Variants in GUCY1A2 observed in about 807,000 individuals in gnomAD.
GUCY1A2 encodes guanylate cyclase soluble subunit alpha-2.
In GUCY1A2, 27 loss-of-function variants were observed where a neutral mutation model predicts 63.5. The observed-to-expected ratio is 0.43, with a 90% CI of 0.31 to 0.59. The LOEUF is 0.59. GUCY1A2 is among the 20% of genes least tolerant of loss of function. The pLI, the probability that GUCY1A2 is intolerant of heterozygous loss-of-function variation, is 0.11. For synonymous variants in GUCY1A2, 364 were observed against 343.5 expected, an observed-to-expected ratio of 1.06 and a Z score of -0.66; for missense variants, 768 against 913.3, an observed-to-expected ratio of 0.84 and a Z score of 2.05.
At chr11:106,786,049 T>A (rs1373517115) in intron 5 of GUCY1A2, among the ~76,000 whole-genome samples, 1 of 152,188 alleles carries the variant, frequency 6.6e-6, no homozygotes, top group Non-Finnish European at 1.5e-5. Context: ...CCAGTCCAAA[T>A]GTGCACATGC....
intron 6 of GUCY1A2, among the ~76,000 whole-genome samples, chr11:106,735,796 T>C (rs748802926): frequency 3.9e-5 from 6 of 152,282 alleles, no homozygotes; most frequent in South Asian, 2.1e-4. Flanking sequence ...GCAGGATTCA[T>C]TGTCATCTGT....
intron 2 of GUCY1A2, among the ~76,000 whole-genome samples, chr11:106,979,915 G>A (rs2120122940): frequency 6.6e-6 from 1 of 151,876 alleles, no homozygotes; most frequent in Admixed American, 6.6e-5. Flanking sequence ...GGAAGAGAGT[G>A]CTATGGTACT....
rs557655163 is a variant in GUCY1A2 at position 106,706,872 on chromosome 11, A to G, written c.1991+1640T>C. On this transcript the variant is annotated intron_variant, in intron 7 of 7. Transcript: ENST00000526355. Reference sequence around the variant, plus strand: ...CTACTAGAGAATTTGACAAAATTCAATTTGCCATGGTAATTGTTGTCAGAT... The same window carrying G: ...CTACTAGAGAATTTGACAAAATTCAGTTTGCCATGGTAATTGTTGTCAGAT... 1.4e-4 allele frequency among the ~76,000 whole-genome samples: 22 copies of G among 152,298 alleles called. No individual in the cohort carries two copies. In the East Asian group the frequency reaches 3.3e-3, roughly 23 times the overall value.
intron 5 of GUCY1A2, among the ~76,000 whole-genome samples, chr11:106,803,726 A>G (rs1858642227): frequency 6.6e-6 from 1 of 152,238 alleles, no homozygotes; most frequent in South Asian, 2.1e-4. Flanking sequence ...CAGATGATAA[A>G]ATGAGGCAGA....
rs1591224403 is a variant in GUCY1A2, at chr11:106,676,256, G to A, written c.*11293C>T. Reference sequence around the variant, plus strand: ...ATGGAAGAATGCCCTTACTCTTAAAGAAGATATTTGACTTATTTTCCCTTA... The same window carrying A: ...ATGGAAGAATGCCCTTACTCTTAAAAAAGATATTTGACTTATTTTCCCTTA... On this transcript the variant is annotated 3_prime_UTR_variant, in exon 8 of 8. Coordinates refer to ENST00000526355, the MANE Select transcript of GUCY1A2 (RefSeq NM_000855.3). 3 of 182,648 alleles carry A rather than the reference G, an allele frequency of 1.6e-5. No individual in the cohort carries two copies. In the East Asian group the frequency reaches 2.7e-4, roughly 16 times the overall value. The allele number at this position is 182,648 out of a possible 1,614,324, so 11.3% of individuals were successfully genotyped here. A position where few individuals can be genotyped will look rare whatever the true frequency, so the allele number is the denominator to read the frequency against.
In GUCY1A2 at chr11:106,977,246, T is replaced by C. The variant is rs111827809; in HGVS notation, c.487+1373A>G. On this transcript the variant is annotated intron_variant, in intron 3 of 7. Transcript: ENST00000526355. ...CACAATGCATTAAGAGAAATGTATGTTACTGAAAGGAGAGTCCTTGAAAAT... is the reference window on the plus strand; with the variant it reads ...CACAATGCATTAAGAGAAATGTATGCTACTGAAAGGAGAGTCCTTGAAAAT... Among the ~76,000 whole-genome samples the C allele has an allele frequency of 3.3e-3, 509 of 152,296 alleles. 3 individuals are homozygous for C. The highest frequency in any genetic ancestry group is 0.012 in the African/African-American group (489 of 41,550).
At chr11:106,819,919 T>C (rs1031576098) in intron 4 of GUCY1A2, among the ~76,000 whole-genome samples, 17 of 152,196 alleles carry the variant, frequency 1.1e-4, no homozygotes, top group African/African-American at 4.1e-4. Context: ...GCCTCACCTA[T>C]ATTTGAAGTA....
intron 6 of GUCY1A2, among the ~76,000 whole-genome samples, chr11:106,774,685 T>G (rs1328127499): frequency 6.6e-6 from 1 of 152,164 alleles, no homozygotes; most frequent in East Asian, 1.9e-4. Flanking sequence ...TTCCACTCTC[T>G]CCGCCCTGTC....
At chr11:106,913,986 C>CAAAAAAAAAA (rs11325847) in intron 4 of GUCY1A2, among the ~76,000 whole-genome samples, 16 of 71,210 alleles carry the variant, frequency 2.2e-4, no homozygotes, top group South Asian at 5.5e-4. Flanking sequence ...AATGAAAAAG[C>CAAAAAAAAAA]AAAAAAAAAA....
At chr11:106,778,293 C>G (rs529444183) in intron 5 of GUCY1A2, among the ~76,000 whole-genome samples, 5 of 152,270 alleles carry the variant, frequency 3.3e-5, no homozygotes, top group African/African-American at 1.2e-4. Flanking sequence ...CAAATAATTT[C>G]TCAAAGAACT....
chr11:106,932,702 C>A lies in GUCY1A2; in HGVS notation c.1206+6758G>T, dbSNP rs553386294. 1.1e-3 allele frequency among the ~76,000 whole-genome samples: 161 copies of A among 152,272 alleles called. 1 individual carries two copies. The highest frequency in any genetic ancestry group is 0.01 in the Middle Eastern group (3 of 294). ...AAAAAGAACAAAGCCAGAGGCATCA[C>A]ATTACCTGACTTCAAACTATACTAT... On this transcript the variant is annotated intron_variant, in intron 4 of 7. Transcript: ENST00000526355.
chr11:106,996,036 C>T (rs1861530195), intron 1 of GUCY1A2, among the ~76,000 whole-genome samples: 1 of 152,112 alleles, frequency 6.6e-6, no homozygotes, highest in Non-Finnish European at 1.5e-5. Flanking sequence ...ATAAAATTAA[C>T]ACATAAAACA....
intron 6 of GUCY1A2, among the ~76,000 whole-genome samples, chr11:106,764,019 TTTC>T (rs1864115414): frequency 6.6e-6 from 1 of 152,112 alleles, no homozygotes; most frequent in Non-Finnish European, 1.5e-5. Flanking sequence ...AAAAAGTTCA[TTTC>T]TTCTATTTTT....
At chr11:106,808,826 C>CT (rs1361202034) in intron 5 of GUCY1A2, among the ~76,000 whole-genome samples, 2 of 152,032 alleles carry the variant, frequency 1.3e-5, no homozygotes, top group African/African-American at 4.8e-5. Flanking sequence ...ATTATAGTAT[C>CT]TCTCCGGTTT....
intron 6 of GUCY1A2, among the ~76,000 whole-genome samples, chr11:106,722,535 G>A (rs1338253011): frequency 6.6e-6 from 1 of 151,800 alleles, no homozygotes; most frequent in Non-Finnish European, 1.5e-5. Flanking sequence ...AAGAATAATA[G>A]AACCATGAAC....
intron 3 of GUCY1A2, among the ~76,000 whole-genome samples, chr11:106,965,142 T>C (rs537153464): frequency 3.8e-4 from 58 of 152,142 alleles, no homozygotes; most frequent in African/African-American, 1.4e-3. Flanking sequence ...ACCACTTATT[T>C]TTGGAAACAG....
intron 6 of GUCY1A2, among the ~76,000 whole-genome samples, chr11:106,736,207 C>T (rs530753083): frequency 2.9e-4 from 44 of 152,134 alleles, no homozygotes; most frequent in South Asian, 6.2e-4. Flanking sequence ...AATCTTTTCC[C>T]ACTCCAATGT....
chr11:106,920,293 T>C (rs1860425562), intron 4 of GUCY1A2, among the ~76,000 whole-genome samples: 1 of 152,114 alleles, frequency 6.6e-6, no homozygotes, highest in African/African-American at 2.4e-5. Context: ...ATTGGGAATA[T>C]TTTAACTGTT....
intron 1 of GUCY1A2, among the ~76,000 whole-genome samples, chr11:107,010,627 G>C (rs1446913779): frequency 1.3e-5 from 2 of 151,906 alleles, no homozygotes; most frequent in Non-Finnish European, 2.9e-5. Context: ...TAAATATTTT[G>C]GTTGATGGAA....
Sources: gnomAD v4.1 joint callset for allele counts (sites outside exome capture counted in the v4.1 genomes callset) on GRCh38, gnomAD v4.1.1 for gene constraint, MANE v1.5 for transcripts, NCBI Gene and HGNC (gene_info 2026-07-23, HGNC 2026-07-21) for gene names.